PRKCH: variants seen among roughly 807,000 people sequenced by gnomAD.
The protein encoded by PRKCH is protein kinase C eta type.
In PRKCH, 28 loss-of-function variants were observed where a neutral mutation model predicts 82.5. The ratio of observed to expected loss-of-function variants is 0.34; its 90% CI spans 0.25 to 0.47. The LOEUF (loss-of-function observed/expected upper bound fraction) is 0.47, where lower values mean the gene tolerates loss of function less well. Among genes scored for constraint, PRKCH ranks in the 20% least tolerant of loss-of-function variants. The pLI is 1.00. For synonymous variants in PRKCH, 322 were observed against 327.4 expected, an observed-to-expected ratio of 0.98 and a Z score of 0.18; for missense variants, 705 against 881.8, an observed-to-expected ratio of 0.80 and a Z score of 2.54.
chr14:61,282,796 GGGAAATTCAAGTGACTTGAATTTCAATT>G (rs1274771863), intron 1 of PRKCH, among the ~76,000 whole-genome samples: 1 of 152,076 alleles, frequency 6.6e-6, no homozygotes, highest in African/African-American at 2.4e-5. Context: ...AGAAGACTGA[GGGAAATTCAAGTGACTTGAATTTCAATT>G]CCCTCACTTC....
chr14:61,416,570 C>T (rs1286818930), intron 2 of PRKCH, among the ~76,000 whole-genome samples: 1 of 152,150 alleles, frequency 6.6e-6, no homozygotes, highest in Non-Finnish European at 1.5e-5. Flanking sequence ...CTTGGCTCAG[C>T]TGCTGGGCGT....
chr14:61,426,223 T>C (rs1004402100), intron 2 of PRKCH, among the ~76,000 whole-genome samples: 1 of 152,230 alleles, frequency 6.6e-6, no homozygotes, highest in African/African-American at 2.4e-5. Flanking sequence ...TCATTTGGCT[T>C]CTTCATGTAG....
At chr14:61,246,424 G>A (rs201730338) in intron 1 of PRKCH, among the ~76,000 whole-genome samples, 3 of 115,972 alleles carry the variant, frequency 2.6e-5, no homozygotes, top group East Asian at 2.7e-4. Flanking sequence ...AAAAAAAAAA[G>A]AATTTTCTTA....
intron 1 of PRKCH, among the ~76,000 whole-genome samples, chr14:61,343,351 C>CAAAAAAAAAAAAAAAAAAAAAAAAAA (rs57154047): frequency 2.3e-5 from 2 of 87,350 alleles, no homozygotes; most frequent in Non-Finnish European, 4.4e-5. Context: ...CCAGTTCCCT[C>CAAAAAAAAAAAAAAAAAAAAAAAAAA]AAAAAAAAAA....
At chr14:61,286,735 C>G (rs372381940) in intron 1 of PRKCH, among the ~76,000 whole-genome samples, 60 of 152,062 alleles carry the variant, frequency 3.9e-4, no homozygotes, top group African/African-American at 1.4e-3. Context: ...GAGATCACGT[C>G]ATTGCACTCC....
intron 1 of PRKCH, among the ~76,000 whole-genome samples, chr14:61,348,764 A>T (rs1262852657): frequency 6.6e-6 from 1 of 152,052 alleles, no homozygotes; most frequent in Non-Finnish European, 1.5e-5. Context: ...TTCCACCCCC[A>T]CTATTTTATG....
chr14:61,316,265 C>T (rs989940186), intron 1 of PRKCH, among the ~76,000 whole-genome samples: 22 of 152,106 alleles, frequency 1.4e-4, no homozygotes, highest in African/African-American at 5.3e-4. Context: ...TCACATTTGA[C>T]CTGGCTGTGT....
At chr14:61,518,293 T>G (rs1366020252) in intron 10 of PRKCH, among the ~76,000 whole-genome samples, 2 of 152,092 alleles carry the variant, frequency 1.3e-5, no homozygotes, top group Non-Finnish European at 2.9e-5. Flanking sequence ...TCTGAGCATT[T>G]TGGCAAGGAG....
intron 12 of PRKCH, chr14:61,537,782 AAGG>A (rs1203987287): frequency 6.6e-6 from 1 of 152,208 alleles, no homozygotes; most frequent in African/African-American, 2.4e-5. Flanking sequence ...TTGGCATCAG[AAGG>A]AGATTATAAA....
chr14:61,224,462 G>A (rs2044680257), intron 1 of PRKCH, among the ~76,000 whole-genome samples: 1 of 152,178 alleles, frequency 6.6e-6, no homozygotes, highest in South Asian at 2.1e-4. Context: ...TGCATTGGTT[G>A]TCTTGTCTTC....
intron 1 of PRKCH, among the ~76,000 whole-genome samples, chr14:61,226,779 T>G (rs1230469899): frequency 1.3e-5 from 2 of 152,232 alleles, no homozygotes; most frequent in Non-Finnish European, 2.9e-5. Context: ...TATCCAGGGC[T>G]TGTCTTGTCC....
At position 61,296,844 on chromosome 14, in the gene PRKCH, T is replaced by C. The variant is rs143396006; in HGVS notation, c.-19+109176T>C. Among the ~76,000 whole-genome samples the C allele has an allele frequency of 1.8e-3, 276 of 152,330 alleles. 1 individual carries two copies. The highest frequency in any genetic ancestry group is 6.4e-3 in the African/African-American group (266 of 41,580). On this transcript the variant is annotated intron_variant, in intron 1 of 3. Coordinates refer to the PRKCH transcript ENST00000555185. The stretch of plus-strand genomic sequence containing the variant: ...GTGATTGAAGAGTGAAAGTAGAAAG[T>C]TGTAAAGTGCATATAAGTTATGGTT...
chr14:61,292,329 T>A (rs1328008335), intron 1 of PRKCH, among the ~76,000 whole-genome samples: 1 of 149,304 alleles, frequency 6.7e-6, no homozygotes, highest in Non-Finnish European at 1.5e-5. Flanking sequence ...AAAAAAAAAT[T>A]TAATTAGCCG....
chr14:61,257,794 G>A (rs907515769), intron 1 of PRKCH, among the ~76,000 whole-genome samples: 1 of 152,026 alleles, frequency 6.6e-6, no homozygotes, highest in African/African-American at 2.4e-5. Flanking sequence ...GTACCACAAG[G>A]ACACCTTTTG....
intron 10 of PRKCH, among the ~76,000 whole-genome samples, chr14:61,491,868 T>C (rs1436294708): frequency 6.6e-6 from 1 of 152,232 alleles, no homozygotes; most frequent in Non-Finnish European, 1.5e-5. Flanking sequence ...GGGAGAAAGA[T>C]GTCAATCAAA....
Position 61,244,588 on chromosome 14 carries a change from T to G in PRKCH, c.-19+56920T>G, listed in dbSNP as rs569756012. 1.4e-4 allele frequency among the ~76,000 whole-genome samples: 21 copies of G among 152,320 alleles called. 1 individual carries two copies. Among genetic ancestry groups the G allele is most frequent in the African/African-American group, 4.8e-4 (20 of 41,578 alleles). The stretch of plus-strand genomic sequence containing the variant: ...GCTCCTAAATCAACTGGGCATGTCC[T>G]GACCTCCAGGTGATTTGAATGGCAG... On this transcript the variant is annotated intron_variant, in intron 1 of 3. Transcript: ENST00000555185.
Position 61,391,261 on chromosome 14 carries a change from A to C in PRKCH, c.400A>C (p.Ile134Leu). The change falls in exon 2 of 14, where the codon ATA becomes CTA. Residue 134 changes from isoleucine to leucine, a missense_variant. Physicochemically the swap from Ile to Leu is conservative, Grantham distance 5. This residue lies in a region of PRKCH where 246 missense variants were observed against 308.0 expected (regional missense o/e 0.80). Transcript: ENST00000332981. ...LEPEGKVFVV[I>L]TLTGSFTEAT... Reference sequence around the variant, plus strand: ...GCCAGAGGGGAAAGTATTTGTGGTAATAACCCTTACCGGGAGTTTCACTGA... The same window carrying C: ...GCCAGAGGGGAAAGTATTTGTGGTACTAACCCTTACCGGGAGTTTCACTGA... 2 of 1,611,428 alleles carry C rather than the reference A, an allele frequency of 1.2e-6. No individual in the cohort carries two copies. Among genetic ancestry groups the C allele is most frequent in the Non-Finnish European group, 1.7e-6 (2 of 1,178,884 alleles).
At chr14:61,281,471 G>C (rs1306037626) in intron 1 of PRKCH, 2 of 215,008 alleles carry the variant, frequency 9.3e-6, no homozygotes, top group African/African-American at 4.6e-5. Context: ...ACTCAGTCTC[G>C]CGTTTCCTCT....
At chr14:61,537,862 C>T (rs2043132435) in intron 12 of PRKCH, 1 of 152,268 alleles carries the variant, frequency 6.6e-6, no homozygotes, top group Admixed American at 6.5e-5. Context: ...CATCCAGCCT[C>T]TCAGATTTCA....
Sources: allele counts gnomAD v4.1 joint callset (sites outside exome capture counted in the v4.1 genomes callset), GRCh38; gene constraint gnomAD v4.1.1; regional missense constraint gnomAD v4.1.1; transcripts MANE v1.5; gene names NCBI Gene and HGNC (gene_info 2026-07-23, HGNC 2026-07-21).